NAP1L1: variants seen among roughly 807,000 people sequenced by gnomAD.
NAP1L1 encodes nucleosome assembly protein 1 like 1.
NAP1L1 carries 9 observed loss-of-function variants against 58.9 expected under a neutral mutation model. The observed-to-expected ratio is 0.15, with a 90% CI of 0.09 to 0.27. The LOEUF (loss-of-function observed/expected upper bound fraction) is 0.27, where lower values mean the gene tolerates loss of function less well. NAP1L1 is among the 10% of genes least tolerant of loss of function. The probability of loss-of-function intolerance (pLI) is 1.00; values close to 1 mark genes in which losing one functional copy is unlikely to be tolerated. For synonymous variants in NAP1L1, 130 were observed against 138.3 expected (o/e 0.94, Z 0.42); for missense variants, 302 against 458.8 (o/e 0.66, Z 3.12).
At chr12:76,064,345 G>T (rs1277294582) in intron 4 of NAP1L1, among the ~76,000 whole-genome samples, 1 of 151,940 alleles carries the variant, frequency 6.6e-6, no homozygotes. Flanking sequence ...AGGTCAAACA[G>T]ACAACCAATA....
chr12:76,073,588 ACAGTGGCAAAGTG>A (rs1311553863), intron 2 of NAP1L1, among the ~76,000 whole-genome samples: 4 of 152,198 alleles, frequency 2.6e-5, no homozygotes, highest in Admixed American at 6.5e-5. Flanking sequence ...CCTTCAATTA[ACAGTGGCAAAGTG>A]GCAATGTTGC....
intron 11 of NAP1L1, 93 bp downstream of exon 11, chr12:76,052,998 T>C (rs1592617926): frequency 1.1e-5 from 14 of 1,244,562 alleles, no homozygotes; most frequent in Non-Finnish European, 1.6e-5. Context: ...CAGAACTCAA[T>C]GTAACAACCA....
At chr12:76,061,931 A>G (rs1949436017) in intron 4 of NAP1L1, among the ~76,000 whole-genome samples, 1 of 152,238 alleles carries the variant, frequency 6.6e-6, no homozygotes, top group Admixed American at 6.5e-5. Flanking sequence ...AACAAGAATG[A>G]AGTAACTACT....
intron 3 of NAP1L1, chr12:76,068,685 G>A: frequency 2.4e-6 from 1 of 425,382 alleles, no homozygotes; most frequent in Non-Finnish European, 4.2e-6. Flanking sequence ...AGTGCAGGAT[G>A]CAAACAATGA....
chr12:76,049,863 G>C (rs1948740075), intron 12 of NAP1L1, 78 bp from the exon 13 acceptor site: 1 of 1,474,740 alleles, frequency 6.8e-7, no homozygotes, highest in Non-Finnish European at 9.4e-7. Context: ...ATTTATCACT[G>C]TATAAACTAG....
chr12:76,059,623 G>A, intron 6 of NAP1L1, 175 bp downstream of exon 6: 1 of 546,322 alleles, frequency 1.8e-6, no homozygotes, highest in Non-Finnish European at 3.2e-6. Context: ...AATCTTGAAT[G>A]ACTGTTTTTT....
chr12:76,083,646 A>G (rs533541182), intron 1 of NAP1L1, among the ~76,000 whole-genome samples: 69 of 152,328 alleles, frequency 4.5e-4, no homozygotes, highest in African/African-American at 1.4e-3. Flanking sequence ...GGGAAACACA[A>G]TAACAACCTT....
rs1948598783 is a variant in NAP1L1, at chr12:76,045,882, G to C, written c.*2547C>G. The C allele has an allele frequency of 6.6e-6, 1 of 151,832 alleles. No individual in the cohort carries two copies. Among genetic ancestry groups the C allele is most frequent in the Non-Finnish European group, 1.5e-5 (1 of 67,850 alleles). The allele number at this position is 151,832 out of a possible 1,614,324, so 9.4% of individuals were successfully genotyped here. On this transcript the variant is annotated 3_prime_UTR_variant, in exon 15 of 15. Coordinates refer to ENST00000618691, the MANE Select transcript of NAP1L1 (RefSeq NM_004537.7). ...TGAGACTTACTTGGCAGTGTGCATG[G>C]GCTGCTGGAAACTACAATCAGAGTG...
chr12:76,057,423 A>C (rs1949162141), intron 6 of NAP1L1: 1 of 532,696 alleles, frequency 1.9e-6, no homozygotes, highest in South Asian at 2.0e-5. Flanking sequence ...ATAAAAATAC[A>C]ACTGATGCTC....
intron 2 of NAP1L1, 52 bp downstream of exon 2, chr12:76,074,151 A>T (rs1235606063): frequency 3.6e-6 from 5 of 1,378,326 alleles, no homozygotes; most frequent in Non-Finnish European, 5.1e-6. Context: ...TTAAGAACAG[A>T]GTACAAAGTG....
intron 4 of NAP1L1, among the ~76,000 whole-genome samples, chr12:76,064,466 A>G (rs1949570085): frequency 6.6e-6 from 1 of 152,158 alleles, no homozygotes; most frequent in South Asian, 2.1e-4. Context: ...GCCATAAAAA[A>G]CACAAATTAA....
intron 4 of NAP1L1, among the ~76,000 whole-genome samples, chr12:76,063,229 G>A (rs901312392): frequency 1.1e-4 from 16 of 152,074 alleles, no homozygotes; most frequent in Non-Finnish European, 2.4e-4. Flanking sequence ...AAAATAGAGG[G>A]CCAGAGAAAG....
chr12:76,040,721 T>C lies in NAP1L1; in HGVS notation c.*7708A>G, dbSNP rs1029048210. 1.3e-5 allele frequency: 2 copies of C among 152,090 alleles called. No individual in the cohort carries two copies. The highest frequency in any genetic ancestry group is 1.5e-5 in the Non-Finnish European group (1 of 68,014). 9.4% of individuals were successfully genotyped at this position (152,090 alleles called of 1,614,324 possible). On this transcript the variant is annotated 3_prime_UTR_variant, in exon 15 of 15. Transcript: ENST00000618691. Reference sequence around the variant, plus strand: ...ACTACAGGCACACACCACTACCACCTACAGCTAAGTTTTGTATTTTTAGTA... The same window carrying C: ...ACTACAGGCACACACCACTACCACCCACAGCTAAGTTTTGTATTTTTAGTA...
In NAP1L1 at chr12:76,042,920, T is replaced by C. The variant is rs1017789930; in HGVS notation, c.*5509A>G. 17 of 152,212 alleles carry C rather than the reference T, an allele frequency of 1.1e-4. No individual in the cohort carries two copies. Among genetic ancestry groups the C allele is most frequent in the Non-Finnish European group, 5.9e-5 (4 of 68,044 alleles). 9.4% of individuals were successfully genotyped at this position (152,212 alleles called of 1,614,324 possible). On this transcript the variant is annotated 3_prime_UTR_variant, in exon 15 of 15. Transcript: ENST00000618691. The stretch of plus-strand genomic sequence containing the variant: ...AAGAATATACCGGAATTCTTTCAAC[T>C]ATTTTCAGAGTTGAAGGAAAGCTGT...
Position 76,039,546 on chromosome 12 carries a change from T to C in NAP1L1, c.*8883A>G, listed in dbSNP as rs766642005. ...CAGGGGAGAGAAAAAGGAAAGATTA[T>C]CTGAATATTGTTTAAAATGAAATCT... On this transcript the variant is annotated 3_prime_UTR_variant, in exon 15 of 15. Coordinates refer to ENST00000618691, the MANE Select transcript of NAP1L1 (RefSeq NM_004537.7). 1 of 152,210 alleles carries C rather than the reference T, an allele frequency of 6.6e-6. No homozygotes were observed. 9.4% of individuals were successfully genotyped at this position (152,210 alleles called of 1,614,324 possible).
rs1948524702 is a variant in NAP1L1, at chr12:76,038,788, C to A, written c.*9641G>T. ...ACCAGAAAAAGAAATCCCATTAGAA[C>A]CGCCCCCATCACAATAACTACCTAA... On this transcript the variant is annotated 3_prime_UTR_variant, in exon 15 of 15. Coordinates refer to ENST00000618691, the MANE Select transcript of NAP1L1 (RefSeq NM_004537.7). 1 of 152,120 alleles carries A rather than the reference C, an allele frequency of 6.6e-6. No homozygotes were observed. The allele number at this position is 152,120 out of a possible 1,614,324, so 9.4% of individuals were successfully genotyped here. A position where few individuals can be genotyped will look rare whatever the true frequency, so the allele number is the denominator to read the frequency against.
At chr12:76,061,590 A>AC (rs1949419005) in intron 4 of NAP1L1, among the ~76,000 whole-genome samples, 1 of 152,162 alleles carries the variant, frequency 6.6e-6, no homozygotes, top group African/African-American at 2.4e-5. Context: ...AAAAGGTTAT[A>AC]CACACTAGGT....
chr12:76,068,434 T>C (rs1949783448), intron 3 of NAP1L1: 1 of 152,410 alleles, frequency 6.6e-6, no homozygotes, highest in African/African-American at 2.4e-5. Context: ...AGTAGTACAA[T>C]CCCCCACCAC....
At chr12:76,069,191 T>C (rs1190502989) in intron 2 of NAP1L1, among the ~76,000 whole-genome samples, 197 bp from the exon 3 acceptor site, 1 of 152,230 alleles carries the variant, frequency 6.6e-6, no homozygotes, top group Non-Finnish European at 1.5e-5. Context: ...ATTAAAAGCA[T>C]CTGGTCAAAT....
Sources: allele counts gnomAD v4.1 joint callset (sites outside exome capture counted in the v4.1 genomes callset), GRCh38; gene constraint gnomAD v4.1.1; transcripts MANE v1.5; gene names NCBI Gene and HGNC (gene_info 2026-07-23, HGNC 2026-07-21).